Variants in FAIM2 observed in about 807,000 individuals in gnomAD.
FAIM2 encodes the protein Fas apoptotic inhibitory molecule 2, also known as protein lifeguard 2.
In FAIM2, 27 loss-of-function variants were observed where a neutral mutation model predicts 47.4. The observed-to-expected ratio is 0.57, with a 90% confidence interval of 0.42 to 0.78. FAIM2 has a LOEUF of 0.78. FAIM2 is among the 30% of genes least tolerant of loss of function. The pLI is 0.00. For missense variants in FAIM2, 311 were observed against 389.4 expected, an observed-to-expected ratio of 0.80 and a Z score of 1.69; for synonymous variants, 156 against 159.3, an observed-to-expected ratio of 0.98 and a Z score of 0.16.
chr12:49,876,318 G>A (rs375265977), intron 11 of FAIM2, among the ~76,000 whole-genome samples: 7 of 152,196 alleles, frequency 4.6e-5, no homozygotes, highest in Admixed American at 1.3e-4. Context: ...GCACAAAGAC[G>A]TTACATAACT....
intron 11 of FAIM2, among the ~76,000 whole-genome samples, chr12:49,886,420 C>T (rs1026864046): frequency 1.3e-5 from 2 of 152,150 alleles, no homozygotes; most frequent in African/African-American, 2.4e-5. Context: ...TGCTGTGTGA[C>T]CTTGGGCATG....
chr12:49,896,440 A>C (rs749088117), intron 5 of FAIM2, among the ~76,000 whole-genome samples: 1 of 152,154 alleles, frequency 6.6e-6, no homozygotes, highest in Non-Finnish European at 1.5e-5. Flanking sequence ...CACAAGCCTT[A>C]ACCTGAATTC....
At chr12:49,893,161 C>T (rs1306461015) in intron 5 of FAIM2, among the ~76,000 whole-genome samples, 1 of 152,214 alleles carries the variant, frequency 6.6e-6, no homozygotes, top group African/African-American at 2.4e-5. Flanking sequence ...TTTGACTTCC[C>T]TGTATAAAAT....
chr12:49,880,591 C>T (rs28588774), intron 11 of FAIM2, among the ~76,000 whole-genome samples: 1 of 130,170 alleles, frequency 7.7e-6, no homozygotes, highest in African/African-American at 3.0e-5. Context: ...TGTATATGTG[C>T]ATGTGTATGT....
intron 8 of FAIM2, 130 bp downstream of exon 8, chr12:49,889,987 C>A: frequency 1.1e-6 from 1 of 876,702 alleles, no homozygotes; most frequent in South Asian, 1.5e-5. Context: ...GCCAAAGCCT[C>A]CTGCATGCCT....
At chr12:49,872,608 C>A (rs1173369001) in intron 11 of FAIM2, among the ~76,000 whole-genome samples, 1 of 152,198 alleles carries the variant, frequency 6.6e-6, no homozygotes, top group Non-Finnish European at 1.5e-5. Flanking sequence ...CCCGGCAGGC[C>A]CAAGAGGCCA....
intron 2 of FAIM2, among the ~76,000 whole-genome samples, chr12:49,899,763 A>T (rs1003763019): frequency 2.6e-5 from 4 of 152,216 alleles, no homozygotes; most frequent in Non-Finnish European, 2.9e-5. Flanking sequence ...TTGTCTATAC[A>T]GTCAGCTCTC....
At chr12:49,898,353 C>T (rs2137106859) in intron 2 of FAIM2, among the ~76,000 whole-genome samples, 1 of 152,318 alleles carries the variant, frequency 6.6e-6, no homozygotes, top group African/African-American at 2.4e-5. Context: ...CCGGCTGGGG[C>T]TCCCTGGGGA....
At chr12:49,886,631 C>T (rs981854760) in intron 11 of FAIM2, among the ~76,000 whole-genome samples, 1 of 152,098 alleles carries the variant, frequency 6.6e-6, no homozygotes, top group Non-Finnish European at 1.5e-5. Flanking sequence ...CCCGCCACCA[C>T]ACCCGGCTAA....
At chr12:49,898,553 C>T (rs1280372925) in intron 2 of FAIM2, among the ~76,000 whole-genome samples, 2 of 152,160 alleles carry the variant, frequency 1.3e-5, no homozygotes, top group South Asian at 2.1e-4. Context: ...GAGACAGGGT[C>T]TCACTCCTGT....
intron 11 of FAIM2, among the ~76,000 whole-genome samples, chr12:49,883,992 C>A (rs1271773849): frequency 6.6e-6 from 1 of 151,984 alleles, no homozygotes; most frequent in East Asian, 1.9e-4. Context: ...GAGGCTGAGG[C>A]GGGCGGATCA....
At chr12:49,872,395 T>C (rs1412878420) in intron 11 of FAIM2, among the ~76,000 whole-genome samples, 1 of 152,026 alleles carries the variant, frequency 6.6e-6, no homozygotes, top group Non-Finnish European at 1.5e-5. Flanking sequence ...AGGCAGGAAC[T>C]ATGGGAGAAG....
At position 49,899,555 on chromosome 12, in the gene FAIM2, C is replaced by G. The variant is rs138261403; in HGVS notation, c.212-1465G>C. On this transcript the variant is annotated intron_variant, in intron 2 of 11. Coordinates refer to ENST00000320634, the MANE Select transcript of FAIM2 (RefSeq NM_012306.4). ...AACCATGTATTCTCTTGCCTGTGAG[C>G]CCCTGCACATTCTATTCTTTCAGCC... Among the ~76,000 whole-genome samples, 325 of 152,346 alleles carry G rather than the reference C, an allele frequency of 2.1e-3. 1 individual carries two copies. The highest frequency in any genetic ancestry group is 7.5e-3 in the African/African-American group (312 of 41,580).
rs989193765 is a variant in FAIM2 at position 49,869,756 on chromosome 12, C to A, written c.*748G>T. The stretch of plus-strand genomic sequence containing the variant: ...TCTGGGTGGATTGGCTCCCCAGCTC[C>A]CACTTCCCTGGGAGCCCCAGGGCAG... On this transcript the variant is annotated 3_prime_UTR_variant, in exon 12 of 12. Coordinates refer to ENST00000320634, the MANE Select transcript of FAIM2 (RefSeq NM_012306.4). 3 of 152,150 alleles carry A rather than the reference C, an allele frequency of 2.0e-5. No individual in the cohort carries two copies. In the East Asian group the frequency reaches 5.8e-4, roughly 30 times the overall value. 9.4% of individuals were successfully genotyped at this position (152,150 alleles called of 1,614,324 possible).
chr12:49,894,769 G>A (rs1237798054), intron 5 of FAIM2, among the ~76,000 whole-genome samples: 2 of 152,346 alleles, frequency 1.3e-5, no homozygotes, highest in East Asian at 3.9e-4. Flanking sequence ...CCCTGGTTAT[G>A]CTGCTCTGAG....
chr12:49,897,979 G>T lies in FAIM2; in HGVS notation c.315+8C>A, dbSNP rs1256607714. 1.2e-6 allele frequency: 2 copies of T among 1,607,540 alleles called. No individual in the cohort carries two copies. Among genetic ancestry groups the T allele is most frequent in the Admixed American group, 1.7e-5 (1 of 60,008 alleles). Reference sequence around the variant, plus strand: ...TCCCAGTCCCAGAGGGCTACAGAGGGGCATTACCTTTCTGACAAAGACTCG... The same window carrying T: ...TCCCAGTCCCAGAGGGCTACAGAGGTGCATTACCTTTCTGACAAAGACTCG... On this transcript the variant is annotated splice_region_variant and intron_variant, in intron 3 of 11. Transcript: ENST00000320634.
At position 49,903,871 on chromosome 12, in the gene FAIM2, T is replaced by G; in HGVS notation, c.-79A>C. 2 of 1,424,828 alleles carry G rather than the reference T, an allele frequency of 1.4e-6. No homozygotes were observed. The highest frequency in any genetic ancestry group is 1.9e-6 in the Non-Finnish European group (2 of 1,065,568). The allele number at this position is 1,424,828 out of a possible 1,614,324, so 88.3% of individuals were successfully genotyped here. ...CCGCAGCCTGCCTGCGTCTCTTCCT[T>G]CCTCCGCGTGGGTTCTAGCAACATC... On this transcript the variant is annotated 5_prime_UTR_variant, in exon 1 of 12. Transcript: ENST00000320634.
chr12:49,897,659 C>G, intron 3 of FAIM2, 76 bp from the exon 4 acceptor site: 1 of 1,076,246 alleles, frequency 9.3e-7, no homozygotes, highest in Admixed American at 1.9e-5. Flanking sequence ...ACTCAGTCAC[C>G]TCTCCAGGTC....
At position 49,883,905 on chromosome 12, in the gene FAIM2, GGAT is replaced by G. The variant is rs995259637; in HGVS notation, c.801+3478_801+3480del. Among the ~76,000 whole-genome samples, 9 of 152,128 alleles carry G rather than the reference GGAT, an allele frequency of 5.9e-5. No homozygotes were observed. The East Asian group carries it at 1.2e-3, about 20-fold the overall frequency. On this transcript the variant is annotated intron_variant, in intron 11 of 11. Transcript: ENST00000320634. ...AGCTACACAGAGGTCCCTTTGACCT[GGAT>G]GAGAGTGTGTTTAAGAGGATCAAGA... is the stretch of plus-strand genomic sequence containing the variant.
Sources: allele counts gnomAD v4.1 joint callset (sites outside exome capture counted in the v4.1 genomes callset), GRCh38; gene constraint gnomAD v4.1.1; transcripts MANE v1.5; gene names NCBI Gene and HGNC (gene_info 2026-07-23, HGNC 2026-07-21).